Variants in PARD3B observed in about 807,000 individuals in gnomAD.
PARD3B encodes par-3 family cell polarity regulator beta.
Under a neutral mutation model 130.2 loss-of-function variants are expected in PARD3B, and 103 were observed. The ratio of observed to expected loss-of-function variants is 0.79; its 90% CI spans 0.67 to 0.93. The LOEUF is 0.93. Ranked by LOEUF, PARD3B falls within the 40% of genes least tolerant of loss-of-function variation. The probability of loss-of-function intolerance (pLI) is 0.00; values close to 1 mark genes in which losing one functional copy is unlikely to be tolerated. For missense variants in PARD3B, 1,609 were observed against 1,499.2 expected, an observed-to-expected ratio of 1.07 and a Z score of -1.21; for synonymous variants, 583 against 553.2, an observed-to-expected ratio of 1.05 and a Z score of -0.76.
chr2:205,395,600 T>C (rs1475439968), intron 18 of PARD3B, among the ~76,000 whole-genome samples: 1 of 152,148 alleles, frequency 6.6e-6, no homozygotes, highest in Non-Finnish European at 1.5e-5. Context: ...AATAATCATG[T>C]TTTAAATTGA....
intron 18 of PARD3B, among the ~76,000 whole-genome samples, chr2:205,328,290 T>C (rs1261256121): frequency 1.3e-5 from 2 of 152,168 alleles, no homozygotes; most frequent in Non-Finnish European, 2.9e-5. Flanking sequence ...TTATCTCTTA[T>C]TGTCACCTTA....
At chr2:205,603,697 G>T (rs925110880) in intron 22 of PARD3B, among the ~76,000 whole-genome samples, 3 of 151,916 alleles carry the variant, frequency 2.0e-5, no homozygotes, top group Admixed American at 2.0e-4. Context: ...CTTTCTATTT[G>T]CCTGGTAAAT....
chr2:205,523,231 A>ATATATTTATATATATATATATATT lies in PARD3B; in HGVS notation c.3180+23205_3180+23206insTTATATATATATATATATTTATAT, dbSNP rs2051167797. ...TATATGTGTGTGTGTGTGTGTATAT[A>ATATATTTATATATATATATATATT]TATATATATATTTATATATATATAT... On this transcript the variant is annotated intron_variant, in intron 21 of 22. Transcript: ENST00000406610. Among the ~76,000 whole-genome samples the ATATATTTATATATATATATATATT allele has an allele frequency of 2.1e-5, 3 of 142,430 alleles. No homozygotes were observed. In the South Asian group the frequency reaches 6.4e-4, roughly 30 times the overall value. 93.4% of individuals were successfully genotyped at this position (142,430 alleles called of 152,430 possible). A position where few individuals can be genotyped will look rare whatever the true frequency, so the allele number is the denominator to read the frequency against.
intron 2 of PARD3B, among the ~76,000 whole-genome samples, chr2:204,808,804 T>G (rs749766926): frequency 2.6e-5 from 4 of 152,180 alleles, no homozygotes; most frequent in Admixed American, 6.6e-5. Context: ...TACATGAATG[T>G]GTCTTTATGG....
Position 205,615,786 on chromosome 2 carries a change from G to T in PARD3B, c.3591G>T (p.Gln1197His). The T allele has an allele frequency of 6.2e-7, 1 of 1,613,830 alleles. No homozygotes were observed. The highest frequency in any genetic ancestry group is 1.1e-5 in the South Asian group (1 of 91,046). Residue 1197 changes from glutamine to histidine, a missense_variant, in exon 23 of 23, where the codon CAG becomes CAT. By Grantham distance (24) the Gln-to-His change is conservative. Coordinates refer to ENST00000406610, the MANE Select transcript of PARD3B (RefSeq NM_001302769.2). ...CTTACCGAACCCAGGATTCCCGGCAGAAGAACCCCATGACTGCAGCCGTAT... is the reference window on the plus strand; with the variant it reads ...CTTACCGAACCCAGGATTCCCGGCATAAGAACCCCATGACTGCAGCCGTAT... ...QYPYRTQDSRQKNPMTAAV is the reference protein window; with the variant it reads ...QYPYRTQDSRHKNPMTAAV
intron 16 of PARD3B, among the ~76,000 whole-genome samples, chr2:205,252,920 G>C (rs937165513): frequency 4.1e-5 from 6 of 146,268 alleles, no homozygotes. Context: ...CTAAGTGTCA[G>C]TGATTAGCAA....
At chr2:205,609,924 G>A (rs548429026) in intron 22 of PARD3B, among the ~76,000 whole-genome samples, 2 of 152,342 alleles carry the variant, frequency 1.3e-5, no homozygotes, top group South Asian at 2.1e-4. Context: ...GAGACATGTA[G>A]AGGAAGTGTG....
At chr2:205,054,281 C>A (rs1699437001) in intron 4 of PARD3B, among the ~76,000 whole-genome samples, 1 of 150,614 alleles carries the variant, frequency 6.6e-6, no homozygotes, top group Non-Finnish European at 1.5e-5. Flanking sequence ...AGTGAGATCC[C>A]TATTTAGGTG....
chr2:204,812,191 G>T (rs1456893508), intron 2 of PARD3B, among the ~76,000 whole-genome samples: 1 of 152,086 alleles, frequency 6.6e-6, no homozygotes, highest in Non-Finnish European at 1.5e-5. Context: ...ATATTGCAGT[G>T]AGCATAAAGT....
intron 2 of PARD3B, among the ~76,000 whole-genome samples, chr2:204,787,214 T>A (rs1275885507): frequency 7.5e-6 from 1 of 133,500 alleles, no homozygotes; most frequent in Non-Finnish European, 1.6e-5. Flanking sequence ...GGGGCATGTT[T>A]GACTTGCTGC....
rs2048426141 is a variant in PARD3B, at chr2:205,460,887, T to C, written c.3044+20215T>C. 6.6e-6 allele frequency among the ~76,000 whole-genome samples: 1 copy of C among 152,124 alleles called. No homozygotes were observed. The highest frequency in any genetic ancestry group is 1.5e-5 in the Non-Finnish European group (1 of 68,018). ...ATAGAGGATCTGGAGAATAAAAAAA[T>C]CTAACAATGTAAGAAGAGGAGGCTA... is the stretch of plus-strand genomic sequence containing the variant. On this transcript the variant is annotated intron_variant, in intron 20 of 22. Transcript: ENST00000406610. This position sits in a 1 kb window ranked among gnomAD's most constrained non-coding sequence, Gnocchi z 4.9.
In PARD3B at chr2:205,457,718, A is replaced by T. The variant is rs191266847; in HGVS notation, c.3044+17046A>T. Among the ~76,000 whole-genome samples the T allele has an allele frequency of 6.6e-5, 10 of 152,182 alleles. No homozygotes were observed. In the East Asian group the frequency reaches 1.9e-3, roughly 29 times the overall value. Reference sequence around the variant, plus strand: ...GATTTTTTTCTTCTTTTAATATATTAAAGATATCATTCCATTGTTTTCTAA... The same window carrying T: ...GATTTTTTTCTTCTTTTAATATATTTAAGATATCATTCCATTGTTTTCTAA... On this transcript the variant is annotated intron_variant, in intron 20 of 22. Coordinates refer to ENST00000406610, the MANE Select transcript of PARD3B (RefSeq NM_001302769.2).
At chr2:204,605,623 G>A (rs1233042529) in intron 1 of PARD3B, among the ~76,000 whole-genome samples, 1 of 152,084 alleles carries the variant, frequency 6.6e-6, no homozygotes, top group Non-Finnish European at 1.5e-5. Context: ...TTAATATCAT[G>A]AACTCTAGAG....
intron 18 of PARD3B, among the ~76,000 whole-genome samples, chr2:205,349,243 C>T (rs1031406517): frequency 1.3e-5 from 2 of 152,154 alleles, no homozygotes; most frequent in Non-Finnish European, 2.9e-5. Context: ...CTCTTTTGCA[C>T]TGTTACATTG....
chr2:204,676,218 A>C (rs145625430), intron 1 of PARD3B, among the ~76,000 whole-genome samples: 115 of 152,184 alleles, frequency 7.6e-4, no homozygotes, highest in African/African-American at 2.6e-3. Context: ...TAAAATTCTC[A>C]GGCTTTTTTT....
chr2:205,465,079 A>G (rs1251582100), intron 20 of PARD3B, among the ~76,000 whole-genome samples: 1 of 152,228 alleles, frequency 6.6e-6, no homozygotes. Context: ...TTATGTTAGC[A>G]TGTTTTAGAT....
At chr2:205,079,693 A>G (rs1701286391) in intron 4 of PARD3B, among the ~76,000 whole-genome samples, 1 of 152,222 alleles carries the variant, frequency 6.6e-6, no homozygotes, top group East Asian at 1.9e-4. Context: ...AATAAGTTTT[A>G]GAAATTAGTA....
rs1559439544 is a variant in PARD3B, at chr2:205,103,250, A to AAAACATATTTTATATTTATGTAAAAT, written c.505-1170_505-1169insATTTTATATTTATGTAAAATAAACAT. ...ATAAACATATTTTATATTTATGTAA[A>AAAACATATTTTATATTTATGTAAAAT]AAACATTTTATATTTATGTAAAATA... On this transcript the variant is annotated intron_variant, in intron 4 of 22. Transcript: ENST00000406610. Among the ~76,000 whole-genome samples the AAAACATATTTTATATTTATGTAAAAT allele has an allele frequency of 3.3e-3, 261 of 79,690 alleles. 14 individuals are homozygous for AAAACATATTTTATATTTATGTAAAAT. The highest frequency in any genetic ancestry group is 9.8e-3 in the African/African-American group (245 of 25,074). The allele number at this position is 79,690 out of a possible 152,430, so 52.3% of individuals were successfully genotyped here. A position where few individuals can be genotyped will look rare whatever the true frequency, so the allele number is the denominator to read the frequency against.
At chr2:205,014,317 T>C (rs900249381) in intron 3 of PARD3B, among the ~76,000 whole-genome samples, 1 of 152,206 alleles carries the variant, frequency 6.6e-6, no homozygotes, top group Non-Finnish European at 1.5e-5. Flanking sequence ...ATTTCTGTCA[T>C]TCTGCATTTG....
Sources: allele counts gnomAD v4.1 joint callset (sites outside exome capture counted in the v4.1 genomes callset), GRCh38; gene constraint gnomAD v4.1.1; non-coding constraint Gnocchi (gnomAD v3.1); transcripts MANE v1.5; gene names NCBI Gene and HGNC (gene_info 2026-07-23, HGNC 2026-07-21).